RGS6: variants seen among roughly 807,000 people sequenced by gnomAD.
RGS6 encodes the protein regulator of G protein signaling 6.
RGS6 carries 30 observed loss-of-function variants against 78.5 expected under a neutral mutation model. The observed-to-expected ratio is 0.38, with a 90% CI of 0.29 to 0.52. The LOEUF (loss-of-function observed/expected upper bound fraction) is 0.52. Ranked by LOEUF, RGS6 falls within the 20% of genes least tolerant of loss-of-function variation. The pLI is 0.85. For missense variants in RGS6, 495 were observed against 609.7 expected (o/e 0.81, Z 1.98); for synonymous variants, 206 against 206.0 (o/e 1.00, Z 0.00).
At chr14:72,546,484 C>T (rs1283310377) in intron 17 of RGS6, among the ~76,000 whole-genome samples, 2 of 152,136 alleles carry the variant, frequency 1.3e-5, no homozygotes, top group African/African-American at 4.8e-5. Flanking sequence ...CTGACGTTTC[C>T]GTTGGAAGGA....
chr14:72,555,394 T>C (rs1019407273), intron 17 of RGS6, among the ~76,000 whole-genome samples: 24 of 152,236 alleles, frequency 1.6e-4, no homozygotes, highest in Admixed American at 6.5e-5. Flanking sequence ...AGATGGCACC[T>C]CCTTTCTCTC....
intron 2 of RGS6, among the ~76,000 whole-genome samples, chr14:72,082,833 A>G (rs1366589694): frequency 7.2e-5 from 11 of 152,318 alleles, no homozygotes; most frequent in South Asian, 2.1e-4. Flanking sequence ...CTTGTAACAT[A>G]CAATGCAATA....
At chr14:71,936,187 G>A (rs1594880732) in intron 1 of RGS6, among the ~76,000 whole-genome samples, 1 of 151,652 alleles carries the variant, frequency 6.6e-6, no homozygotes, top group East Asian at 1.9e-4. Flanking sequence ...ACAATAGGCT[G>A]GCTGTAAGCT....
At chr14:72,259,981 C>T (rs1419501042) in intron 2 of RGS6, among the ~76,000 whole-genome samples, 1 of 151,274 alleles carries the variant, frequency 6.6e-6, no homozygotes, top group Admixed American at 6.6e-5. Flanking sequence ...CCTCAACTTC[C>T]AAACTAATCT....
the RGS6 span, among the ~76,000 whole-genome samples, chr14:72,587,638 T>C: frequency 6.6e-6 from 1 of 152,294 alleles, no homozygotes; most frequent in East Asian, 1.9e-4. Flanking sequence ...AGGAGTCAGA[T>C]GTGATGAACT....
At chr14:72,081,342 A>G (rs2094817192) in intron 2 of RGS6, among the ~76,000 whole-genome samples, 1 of 152,064 alleles carries the variant, frequency 6.6e-6, no homozygotes, top group Non-Finnish European at 1.5e-5. Context: ...ATGCTGCATC[A>G]GCACTAATTC....
At position 72,458,355 on chromosome 14, in the gene RGS6, A is replaced by G. The variant is rs759183209; in HGVS notation, c.320A>G (p.Asp107Gly). The G allele has an allele frequency of 6.2e-7, 1 of 1,614,086 alleles. No individual in the cohort carries two copies. The highest frequency in any genetic ancestry group is 8.5e-7 in the Non-Finnish European group (1 of 1,179,952). ...ISDHVLTMKD[D>G]GTFYRFQAPY... ...GACCATGTTCTCACCATGAAGGATG[A>G]TGGCACCTTTTATCGTTTCCAGGTA... is the stretch of plus-strand genomic sequence containing the variant. The change falls in exon 5 of 18, where the codon GAT (aspartate) becomes GGT (glycine). Residue 107 changes from aspartate to glycine, a missense_variant. Asp to Gly is a moderately conservative substitution (Grantham distance 94). Coordinates refer to ENST00000553525, the MANE Select transcript of RGS6 (RefSeq NM_001204424.2).
intron 13 of RGS6, among the ~76,000 whole-genome samples, chr14:72,503,853 C>T (rs2096762154): frequency 6.6e-6 from 1 of 152,212 alleles, no homozygotes; most frequent in Non-Finnish European, 1.5e-5. Flanking sequence ...GATGGCCCTA[C>T]AGCAGCTTTC....
At chr14:72,416,858 A>T (rs531984928) in intron 3 of RGS6, among the ~76,000 whole-genome samples, 1 of 152,190 alleles carries the variant, frequency 6.6e-6, no homozygotes, top group South Asian at 2.1e-4. Flanking sequence ...TAATCTCTCA[A>T]TGTCTCAACA....
intron 1 of RGS6, among the ~76,000 whole-genome samples, chr14:71,960,834 GC>G (rs1201439361): frequency 1.3e-5 from 2 of 152,238 alleles, no homozygotes; most frequent in African/African-American, 4.8e-5. Flanking sequence ...GGCAAACTTT[GC>G]CTCTCCCAGG....
intron 2 of RGS6, among the ~76,000 whole-genome samples, chr14:72,204,571 C>A (rs2042299666): frequency 6.6e-6 from 1 of 152,210 alleles, no homozygotes; most frequent in African/African-American, 2.4e-5. Context: ...GTTCTAGAGG[C>A]TGGAAAGTCC....
At chr14:71,902,326 C>T in the RGS6 span, among the ~76,000 whole-genome samples, 1 of 152,174 alleles carries the variant, frequency 6.6e-6, no homozygotes, top group South Asian at 2.1e-4. Flanking sequence ...TTTGGTAACT[C>T]ACTATTTCCA....
At position 72,050,335 on chromosome 14, in the gene RGS6, C is replaced by A. The variant is rs117312812; in HGVS notation, c.84+85460C>A. Among the ~76,000 whole-genome samples the A allele has an allele frequency of 1.4e-4, 22 of 152,148 alleles. No homozygotes were observed. In the East Asian group the frequency reaches 4.1e-3, roughly 28 times the overall value. ...ATACTGAATATATTTTATTAGTTTT[C>A]ATTTTTCATAATTAACCTGTATGCA... On this transcript the variant is annotated intron_variant, in intron 2 of 17. Coordinates refer to ENST00000553525, the MANE Select transcript of RGS6 (RefSeq NM_001204424.2).
At chr14:72,147,932 C>T (rs181161224) in intron 2 of RGS6, among the ~76,000 whole-genome samples, 18 of 152,168 alleles carry the variant, frequency 1.2e-4, no homozygotes, top group East Asian at 7.7e-4. Flanking sequence ...GAGATTGAGA[C>T]CATCCTGGCT....
chr14:71,957,494 A>G (rs1295345225), intron 1 of RGS6, among the ~76,000 whole-genome samples: 1 of 152,150 alleles, frequency 6.6e-6, no homozygotes, highest in African/African-American at 2.4e-5. Context: ...TAAAGTTCAG[A>G]GAGGAGATGG....
chr14:72,071,913 A>G (rs1220939794), intron 2 of RGS6, among the ~76,000 whole-genome samples: 2 of 152,230 alleles, frequency 1.3e-5, no homozygotes, highest in Admixed American at 6.5e-5. Flanking sequence ...CTGCTTTTGC[A>G]TTGTTCTGAC....
chr14:72,463,023 T>A lies in RGS6; in HGVS notation c.395-2735T>A, dbSNP rs114058774. On this transcript the variant is annotated intron_variant, in intron 6 of 17. Coordinates refer to ENST00000553525, the MANE Select transcript of RGS6 (RefSeq NM_001204424.2). ...GTACATTGAAACTCGATAAGCTCAA[T>A]ATTTTTTAAGAAATTTAATTGCACA... Among the ~76,000 whole-genome samples the A allele has an allele frequency of 2.8e-3, 432 of 152,326 alleles. 1 individual carries two copies. Among genetic ancestry groups the A allele is most frequent in the African/African-American group, 9.9e-3 (412 of 41,570 alleles).
At position 72,478,298 on chromosome 14, in the gene RGS6, C is replaced by A; in HGVS notation, c.823C>A (p.His275Asn). The change falls in exon 12 of 18, where the codon CAT becomes AAT. Residue 275 changes from histidine (H) to asparagine (N), a missense_variant. His to Asn is a moderately conservative substitution (Grantham distance 68, BLOSUM62 1). Coordinates refer to ENST00000553525, the MANE Select transcript of RGS6 (RefSeq NM_001204424.2). The part of the protein sequence containing the change: ...ITFLNAQIDR[H>N]CLKMSKVAES... Reference sequence around the variant, plus strand: ...ATTTTTGAACGCACAGATCGACAGACATTGTTTGAAAATGTCCAAAGTGGC... The same window carrying A: ...ATTTTTGAACGCACAGATCGACAGAAATTGTTTGAAAATGTCCAAAGTGGC... 1 of 1,612,672 alleles carries A rather than the reference C, an allele frequency of 6.2e-7. No homozygotes were observed. The highest frequency in any genetic ancestry group is 8.5e-7 in the Non-Finnish European group (1 of 1,178,786).
intron 2 of RGS6, among the ~76,000 whole-genome samples, chr14:72,047,114 G>T (rs2092908753): frequency 1.3e-5 from 2 of 152,116 alleles, no homozygotes; most frequent in African/African-American, 4.8e-5. Flanking sequence ...AGCTGTTCTT[G>T]TGACACGACA....
Sources: allele counts gnomAD v4.1 joint callset (sites outside exome capture counted in the v4.1 genomes callset), GRCh38; gene constraint gnomAD v4.1.1; transcripts MANE v1.5; gene names NCBI Gene and HGNC (gene_info 2026-07-23, HGNC 2026-07-21).